RESF1: variants seen among roughly 807,000 people sequenced by gnomAD.
RESF1 encodes the protein retroelement silencing factor 1.
RESF1 carries 65 observed loss-of-function variants against 134.7 expected under a neutral mutation model. That is an observed-to-expected ratio of 0.48 (90% confidence interval 0.40 to 0.59). The LOEUF (loss-of-function observed/expected upper bound fraction) is 0.59. RESF1 is among the 20% of genes least tolerant of loss of function. RESF1 has a pLI of 0.00. For synonymous variants in RESF1, 762 were observed against 702.2 expected (o/e 1.09, Z -1.35); for missense variants, 2,274 against 2,002.7 (o/e 1.14, Z -2.59).
rs976130091 is a variant in RESF1, at chr12:31,982,021, T to C, written c.1066T>C (p.Ser356Pro). ...SKQPFNSPIRSSVDGVQTLAQ... is the reference protein window; with the variant it reads ...SKQPFNSPIRPSVDGVQTLAQ... ...ACAGCCTTTTAACAGTCCCATTAGA[T>C]CTTCTGTGGATGGTGTTCAGACTCT... is the stretch of plus-strand genomic sequence containing the variant. The change falls in exon 4 of 6, where the codon TCT becomes CCT. Residue 356 changes from serine (S) to proline (P), a missense_variant. By Grantham distance (74) the Ser-to-Pro change is moderately conservative (BLOSUM62 -1). Coordinates refer to ENST00000312561, the MANE Select transcript of RESF1 (RefSeq NM_018169.4). 1 of 1,614,010 alleles carries C rather than the reference T, an allele frequency of 6.2e-7. No individual in the cohort carries two copies. The highest frequency in any genetic ancestry group is 1.3e-5 in the African/African-American group (1 of 75,044).
Position 31,980,921 on chromosome 12 carries a change from G to T in RESF1, c.-35G>T. ...ACTGACTTGTAACTGACTTATAACT[G>T]ACTTGTAATACACTGCTACTATATC... On this transcript the variant is annotated 5_prime_UTR_variant, in exon 4 of 6. Transcript: ENST00000312561. The T allele has an allele frequency of 6.8e-7, 1 of 1,465,256 alleles. No individual in the cohort carries two copies. The highest frequency in any genetic ancestry group is 1.3e-5 in the South Asian group (1 of 75,610). 90.8% of individuals were successfully genotyped at this position (1,465,256 alleles called of 1,614,324 possible).
chr12:31,989,429 G>A (rs917607688), intron 5 of RESF1, among the ~76,000 whole-genome samples: 4 of 150,634 alleles, frequency 2.7e-5, no homozygotes, highest in Admixed American at 6.6e-5. Flanking sequence ...GCAAAGAGGG[G>A]TTCAGAGCCT....
Position 31,984,904 on chromosome 12 carries a change from GCTT to G in RESF1, c.3952_3954del (p.Ser1318del). 1 of 1,611,264 alleles carries G rather than the reference GCTT, an allele frequency of 6.2e-7. No homozygotes were observed. Among genetic ancestry groups the G allele is most frequent in the Non-Finnish European group, 8.5e-7 (1 of 1,179,396 alleles). On this transcript the variant is annotated inframe_deletion, in exon 4 of 6. Coordinates refer to ENST00000312561, the MANE Select transcript of RESF1 (RefSeq NM_018169.4). The stretch of plus-strand genomic sequence containing the variant: ...TAAAATGACAGCATCTTATGAACAA[GCTT>G]CTCAGGAAACCCGACAGAAGAAACA...
At position 31,982,397 on chromosome 12, in the gene RESF1, C is replaced by G. The variant is rs1344360470; in HGVS notation, c.1442C>G (p.Thr481Ser). Residue 481 changes from threonine to serine, a missense_variant, in exon 4 of 6, where the codon ACT becomes AGT. Coordinates refer to ENST00000312561, the MANE Select transcript of RESF1 (RefSeq NM_018169.4). ...TVVESAETNK[T>S]QCMLNSDIQE... is the part of the protein sequence containing the mutation. Reference sequence around the variant, plus strand: ...GTGGAATCTGCAGAAACAAATAAGACTCAATGTATGTTGAATTCTGACATT... The same window carrying G: ...GTGGAATCTGCAGAAACAAATAAGAGTCAATGTATGTTGAATTCTGACATT... 1 of 1,614,086 alleles carries G rather than the reference C, an allele frequency of 6.2e-7. No individual in the cohort carries two copies. The highest frequency in any genetic ancestry group is 8.5e-7 in the Non-Finnish European group (1 of 1,179,990).
chr12:31,984,512 C>G lies in RESF1; in HGVS notation c.3557C>G (p.Pro1186Arg). 6.2e-7 allele frequency: 1 copy of G among 1,605,412 alleles called. No individual in the cohort carries two copies. The highest frequency in any genetic ancestry group is 8.5e-7 in the Non-Finnish European group (1 of 1,174,806). Residue 1186 changes from proline (P) to arginine (R), a missense_variant, in exon 4 of 6, where the codon CCC becomes CGC. Pro to Arg is a moderately radical substitution (Grantham distance 103). Transcript: ENST00000312561. ...CTCTCCATGGTTTACGAAGGAGTAC[C>G]CCAGTGTCAGTGTAATTCCATCAAG... is the stretch of plus-strand genomic sequence containing the variant. Reference protein sequence around the residue: ...GWLSMVYEGVPQCQCNSIKNS... With the variant: ...GWLSMVYEGVRQCQCNSIKNS...
In RESF1 at chr12:31,987,227, ATATT is replaced by A; in HGVS notation, c.5003-9_5003-6del. The A allele has an allele frequency of 2.2e-6, 3 of 1,385,932 alleles. No homozygotes were observed. Among genetic ancestry groups the A allele is most frequent in the South Asian group, 1.2e-5 (1 of 85,290 alleles). 85.9% of individuals were successfully genotyped at this position (1,385,932 alleles called of 1,614,324 possible). A position where few individuals can be genotyped will look rare whatever the true frequency, so the allele number is the denominator to read the frequency against. On this transcript the variant is annotated splice_polypyrimidine_tract_variant and splice_region_variant and intron_variant, in intron 4 of 5. Transcript: ENST00000312561. ...GCAATATCTAGAGTTCTGAAAATGAATATTTAAATAGTTTCAGGAATAAAAAGTA... is the reference window on the plus strand; with the variant it reads ...GCAATATCTAGAGTTCTGAAAATGAATAAATAGTTTCAGGAATAAAAAGTA...
chr12:31,964,365 C>T (rs1352626439), intron 2 of RESF1, among the ~76,000 whole-genome samples: 2 of 152,116 alleles, frequency 1.3e-5, no homozygotes, highest in African/African-American at 4.8e-5. Flanking sequence ...CATCATTTAG[C>T]TCCCACTTAT....
At position 31,982,360 on chromosome 12, in the gene RESF1, A is replaced by C; in HGVS notation, c.1405A>C (p.Thr469Pro). ...PVMPENAERQTPTVVESAETN... is the reference protein window; with the variant it reads ...PVMPENAERQPPTVVESAETN... Reference sequence around the variant, plus strand: ...AATGCCAGAGAATGCAGAGAGACAAACACCAACAGTAGTGGAATCTGCAGA... The same window carrying C: ...AATGCCAGAGAATGCAGAGAGACAACCACCAACAGTAGTGGAATCTGCAGA... Residue 469 changes from threonine (T) to proline (P), a missense_variant, in exon 4 of 6, where the codon ACA becomes CCA. Transcript: ENST00000312561. 1 of 1,614,182 alleles carries C rather than the reference A, an allele frequency of 6.2e-7. No individual in the cohort carries two copies. The highest frequency in any genetic ancestry group is 2.2e-5 in the East Asian group (1 of 44,890).
chr12:31,963,519 A>C (rs1463041027), intron 2 of RESF1, among the ~76,000 whole-genome samples: 1 of 152,150 alleles, frequency 6.6e-6, no homozygotes, highest in African/African-American at 2.4e-5. Flanking sequence ...CTCCAGATGC[A>C]AGCAGCTTCA....
intron 4 of RESF1, among the ~76,000 whole-genome samples, chr12:31,986,550 T>TA (rs1266455085): frequency 6.6e-6 from 1 of 152,228 alleles, no homozygotes; most frequent in East Asian, 1.9e-4. Context: ...TGTCCAGTGT[T>TA]ATAATTTAAA....
chr12:31,964,522 C>T (rs985998356), intron 2 of RESF1, among the ~76,000 whole-genome samples: 1 of 152,082 alleles, frequency 6.6e-6, no homozygotes, highest in African/African-American at 2.4e-5. Flanking sequence ...TTTCTTTATG[C>T]GGTTTACCGT....
At chr12:31,976,308 C>A (rs573258087) in intron 3 of RESF1, among the ~76,000 whole-genome samples, 2 of 152,256 alleles carry the variant, frequency 1.3e-5, no homozygotes, top group South Asian at 4.1e-4. Context: ...ACTTGATTAA[C>A]AATAGCATGC....
Position 31,985,740 on chromosome 12 carries a change from TTC to T in RESF1, c.4790_4791del (p.Leu1597HisfsTer12). The T allele has an allele frequency of 6.3e-7, 1 of 1,585,284 alleles. No individual in the cohort carries two copies. Among genetic ancestry groups the T allele is most frequent in the Non-Finnish European group, 8.5e-7 (1 of 1,171,254 alleles). The stretch of plus-strand genomic sequence containing the variant: ...TTAAATGCACTGAACGTGAAAGCAT[TTC>T]TCTCACCAAATTAGAAAGTTCACCC... ...GFKCTERESI[S>X]LTKLESSPRK... On this transcript the variant is annotated frameshift_variant, in exon 4 of 6. Coordinates refer to ENST00000312561, the MANE Select transcript of RESF1 (RefSeq NM_018169.4). LOFTEE classifies it high-confidence loss of function.
rs548556858 is a variant in RESF1 at position 31,964,513 on chromosome 12, T to A, written c.-247+3642T>A. ...TATTCCCTAGTGTATGTGTACTGTT[T>A]TCTTTATGCGGTTTACCGTTGATGG... On this transcript the variant is annotated intron_variant, in intron 2 of 5. Coordinates refer to ENST00000312561, the MANE Select transcript of RESF1 (RefSeq NM_018169.4). 3.9e-5 allele frequency among the ~76,000 whole-genome samples: 6 copies of A among 152,366 alleles called. No homozygotes were observed. The South Asian group carries it at 1.2e-3, about 32-fold the overall frequency.
intron 3 of RESF1, among the ~76,000 whole-genome samples, chr12:31,972,228 G>A (rs79634338): frequency 0.067 from 10,266 of 152,162 alleles, 495 homozygotes; most frequent in South Asian, 0.14. Flanking sequence ...AACCAAAGGA[G>A]CGGGACATGG....
Position 31,985,650 on chromosome 12 carries a change from T to A in RESF1, c.4695T>A (p.Ala1565=), listed in dbSNP as rs1251102197. 1 of 1,613,048 alleles carries A rather than the reference T, an allele frequency of 6.2e-7. No homozygotes were observed. The highest frequency in any genetic ancestry group is 2.2e-5 in the East Asian group (1 of 44,876). Residue 1565 remains alanine (A), a synonymous_variant, in exon 4 of 6, where the codon GCT becomes GCA. Transcript: ENST00000312561. ...AATTAACCAATATAAGCAACGAAGC[T>A]CAATTCAGCCAAATGCCTCCCCAAG... is the stretch of plus-strand genomic sequence containing the variant. The part of the protein sequence containing the change: ...LDKLTNISNE[A]QFSQMPPQVK...
rs114514590 is a variant in RESF1, at chr12:31,982,898, C to A, written c.1943C>A (p.Ser648Tyr). ...GTAAGTGGCAGGGTTTTGGACAACT[C>A]CTTTTGCAGTGGACAAGAATCCTCA... Reference protein sequence around the residue: ...SNVSGRVLDNSFCSGQESSTK... With the variant: ...SNVSGRVLDNYFCSGQESSTK... Residue 648 changes from serine (S) to tyrosine (Y), a missense_variant, in exon 4 of 6, where the codon TCC (serine) becomes TAC (tyrosine). Ser to Tyr is a moderately radical substitution (Grantham distance 144). Coordinates refer to ENST00000312561, the MANE Select transcript of RESF1 (RefSeq NM_018169.4). The A allele has an allele frequency of 6.1e-4, 992 of 1,614,078 alleles. 3 individuals carry two copies. The highest frequency in any genetic ancestry group is 5.5e-3 in the African/African-American group (414 of 75,046).
At chr12:31,977,512 A>C (rs1030530829) in intron 3 of RESF1, among the ~76,000 whole-genome samples, 1 of 152,036 alleles carries the variant, frequency 6.6e-6, no homozygotes, top group African/African-American at 2.4e-5. Flanking sequence ...TAAAACGATA[A>C]TCTACCTGGG....
chr12:31,991,993 C>G (rs1374783042), intron 5 of RESF1, among the ~76,000 whole-genome samples: 2 of 152,166 alleles, frequency 1.3e-5, no homozygotes, highest in Non-Finnish European at 2.9e-5. Context: ...GAAACCTATC[C>G]TTTTCATGTA....
Sources: gnomAD v4.1 joint callset for allele counts (sites outside exome capture counted in the v4.1 genomes callset) on GRCh38, gnomAD v4.1.1 for gene constraint, MANE v1.5 for transcripts, NCBI Gene and HGNC (gene_info 2026-07-23, HGNC 2026-07-21) for gene names.